Variants in SUMF1 observed in about 807,000 individuals in gnomAD.
The protein encoded by SUMF1 is formylglycine-generating enzyme.
Under a neutral mutation model 47.6 loss-of-function variants are expected in SUMF1, and 48 were observed. The ratio of observed to expected loss-of-function variants is 1.01; its 90% CI spans 0.80 to 1.28. SUMF1 has a LOEUF of 1.28. SUMF1 is among the 50% of genes most tolerant of loss of function. The pLI, the probability that SUMF1 is intolerant of heterozygous loss-of-function variation, is 0.00. For synonymous variants in SUMF1, 230 were observed against 192.1 expected (o/e 1.20, Z -1.63); for missense variants, 571 against 485.4 (o/e 1.18, Z -1.66).
chr3:4,058,702 C>G (rs1193357901), intron 9 of SUMF1, among the ~76,000 whole-genome samples: 6 of 152,092 alleles, frequency 3.9e-5, no homozygotes, highest in African/African-American at 1.4e-4. Context: ...GAAAAAATCA[C>G]TGCTAGAAAT....
rs192599559 is a variant in SUMF1 at position 4,092,068 on chromosome 3, C to A, written c.1015-23323G>T. On this transcript the variant is annotated intron_variant and NMD_transcript_variant, in intron 8 of 12. Coordinates refer to the SUMF1 transcript ENST00000448413. Reference sequence around the variant, plus strand: ...CCTTGCTGGGTATCCTGGCCAGCTGCTTCTACTTGGCCTGATGTATTATTG... The same window carrying A: ...CCTTGCTGGGTATCCTGGCCAGCTGATTCTACTTGGCCTGATGTATTATTG... 1.4e-4 allele frequency among the ~76,000 whole-genome samples: 22 copies of A among 152,154 alleles called. 1 individual carries two copies. The highest frequency in any genetic ancestry group is 5.1e-4 in the African/African-American group (21 of 41,476).
intron 8 of SUMF1, among the ~76,000 whole-genome samples, chr3:4,344,191 A>G (rs1023156525): frequency 6.6e-6 from 1 of 152,222 alleles, no homozygotes; most frequent in African/African-American, 2.4e-5. Context: ...AAAATTGACT[A>G]GAAGGCTGTC....
chr3:4,437,982 G>T (rs1467544294), intron 3 of SUMF1, among the ~76,000 whole-genome samples: 1 of 151,664 alleles, frequency 6.6e-6, no homozygotes, highest in African/African-American at 2.4e-5. Flanking sequence ...GTGAAAAAAA[G>T]AAAAAGTATA....
chr3:4,344,087 T>C (rs933118152), intron 8 of SUMF1, among the ~76,000 whole-genome samples: 2 of 152,250 alleles, frequency 1.3e-5, no homozygotes, highest in African/African-American at 4.8e-5. Flanking sequence ...GATGACTGAC[T>C]AGAAGCAGCA....
chr3:4,324,264 C>T (rs1314079291), intron 8 of SUMF1, among the ~76,000 whole-genome samples: 2 of 151,966 alleles, frequency 1.3e-5, no homozygotes, highest in Admixed American at 1.3e-4. Flanking sequence ...AGAAAGATGG[C>T]CTCATTTGGT....
At chr3:4,377,350 C>T (rs147129525) in intron 7 of SUMF1, among the ~76,000 whole-genome samples, 224 of 151,858 alleles carry the variant, frequency 1.5e-3, no homozygotes, top group African/African-American at 4.9e-3. Flanking sequence ...AAAAAAGACA[C>T]ATATACGTAC....
chr3:4,385,303 T>A (rs1177617411), intron 7 of SUMF1, among the ~76,000 whole-genome samples: 1 of 152,242 alleles, frequency 6.6e-6, no homozygotes, highest in Non-Finnish European at 1.5e-5. Context: ...CAGTCACTAC[T>A]TTTTAATTTT....
rs761237429 is a variant in SUMF1 at position 4,467,096 on chromosome 3, G to T, written c.150C>A (p.Cys50Ter). ...GAGAGSLAGS[C>*]GCGTPQRPGA... ...CAGGCCGCTGGGGCGTGCCGCAGCC[G>T]CAAGAACCCGCAAGGGACCCCGCGC... The change falls in exon 1 of 9, where the codon TGC (cysteine) becomes TGA (stop). Residue 50 changes from cysteine to a stop codon, truncating the protein, a stop_gained. Coordinates refer to ENST00000272902, the MANE Select transcript of SUMF1 (RefSeq NM_182760.4). LOFTEE classifies it high-confidence loss of function. 1.9e-6 allele frequency: 3 copies of T among 1,560,734 alleles called. No homozygotes were observed. Among genetic ancestry groups the T allele is most frequent in the South Asian group, 1.2e-5 (1 of 85,554 alleles).
intron 8 of SUMF1, among the ~76,000 whole-genome samples, chr3:4,192,641 T>G (rs1372198496): frequency 6.6e-6 from 1 of 152,126 alleles, no homozygotes; most frequent in Non-Finnish European, 1.5e-5. Context: ...TTACTCTTGA[T>G]AGGTTCCTTG....
chr3:4,107,759 A>G (rs56771400), intron 8 of SUMF1, among the ~76,000 whole-genome samples: 7,586 of 152,178 alleles, frequency 0.05, 517 homozygotes, highest in East Asian at 0.15. Context: ...TTGAGGCTGC[A>G]ATGAGCTATG....
chr3:4,230,005 C>G (rs1321731166), intron 8 of SUMF1, among the ~76,000 whole-genome samples: 1 of 151,440 alleles, frequency 6.6e-6, no homozygotes, highest in Admixed American at 6.6e-5. Context: ...AGAGTGAGAC[C>G]TTGTCACCAA....
In SUMF1 at chr3:4,092,632, C is replaced by T. The variant is rs117836864; in HGVS notation, c.1015-23887G>A. Among the ~76,000 whole-genome samples the T allele has an allele frequency of 1.9e-3, 284 of 152,192 alleles. 4 individuals carry two copies. The East Asian group carries it at 0.038, about 21-fold the overall frequency. On this transcript the variant is annotated intron_variant and NMD_transcript_variant, in intron 8 of 12. Coordinates refer to the SUMF1 transcript ENST00000448413. ...CTAAAGACTCATACAAGAAAAACAACGAAAGTGACCAACTACTTATAGTAT... is the reference window on the plus strand; with the variant it reads ...CTAAAGACTCATACAAGAAAAACAATGAAAGTGACCAACTACTTATAGTAT...
At chr3:4,326,234 A>C (rs750563240) in intron 8 of SUMF1, among the ~76,000 whole-genome samples, 4 of 152,248 alleles carry the variant, frequency 2.6e-5, no homozygotes, top group Non-Finnish European at 5.9e-5. Flanking sequence ...TGGCCTGATT[A>C]GTTGCATAAA....
intron 8 of SUMF1, among the ~76,000 whole-genome samples, chr3:4,336,875 T>C (rs932001425): frequency 6.6e-6 from 1 of 152,252 alleles, no homozygotes; most frequent in Non-Finnish European, 1.5e-5. Context: ...CTTGATGTAC[T>C]GAATAACTAT....
At chr3:4,343,885 T>C (rs1187165006) in intron 8 of SUMF1, among the ~76,000 whole-genome samples, 2 of 152,136 alleles carry the variant, frequency 1.3e-5, no homozygotes, top group African/African-American at 2.4e-5. Context: ...ATTTTAACAA[T>C]GAAAACTGGG....
intron 6 of SUMF1, 47 bp from the exon 7 acceptor site, chr3:4,411,025 T>A: frequency 1.4e-6 from 2 of 1,463,018 alleles, no homozygotes; most frequent in Non-Finnish European, 9.6e-7. Context: ...TCACCTGGTT[T>A]AAAAAACATC....
chr3:4,142,740 G>C (rs1043058076), intron 8 of SUMF1, among the ~76,000 whole-genome samples: 4 of 151,628 alleles, frequency 2.6e-5, no homozygotes, highest in Non-Finnish European at 5.9e-5. Flanking sequence ...TCTCGTGAAT[G>C]CTACAGGATT....
intron 8 of SUMF1, among the ~76,000 whole-genome samples, chr3:4,221,187 C>G (rs1696052367): frequency 6.6e-6 from 1 of 152,154 alleles, no homozygotes; most frequent in South Asian, 2.1e-4. Context: ...TACCATTACA[C>G]TCACCAAGAA....
intron 8 of SUMF1, among the ~76,000 whole-genome samples, chr3:4,223,395 TCA>T (rs1574994143): frequency 6.6e-6 from 1 of 152,240 alleles, no homozygotes; most frequent in East Asian, 1.9e-4. Flanking sequence ...ATTACATAGC[TCA>T]CAGAGTTACC....
Sources: allele counts gnomAD v4.1 joint callset (sites outside exome capture counted in the v4.1 genomes callset), GRCh38; gene constraint gnomAD v4.1.1; transcripts MANE v1.5; gene names NCBI Gene and HGNC (gene_info 2026-07-23, HGNC 2026-07-21).